The following NRF1 variants were observed in gnomAD, a reference collection of about 807,000 sequenced individuals.
The protein encoded by NRF1 is alpha palindromic-binding protein.
In NRF1, 5 loss-of-function variants were observed where a neutral mutation model predicts 58.5. The observed-to-expected ratio is 0.09, with a 90% CI of 0.04 to 0.18. The LOEUF (loss-of-function observed/expected upper bound fraction) is 0.18. Ranked by LOEUF, NRF1 falls within the 10% of genes least tolerant of loss-of-function variation. The pLI is 1.00. For missense variants in NRF1, 288 were observed against 657.7 expected, an observed-to-expected ratio of 0.44 and a Z score of 6.15; for synonymous variants, 224 against 246.7, an observed-to-expected ratio of 0.91 and a Z score of 0.86.
chr7:129,711,498 C>G lies in NRF1; in HGVS notation c.987C>G (p.Ala329=). The change falls in exon 8 of 11, where the codon GCC becomes GCG. Residue 329 remains alanine (A), a synonymous_variant. Transcript: ENST00000393232. ...AGGTTGGTACGGGGGCAACAGTAGCCACATTGGCTGATGCTTCAGAATTGC... is the reference window on the plus strand; with the variant it reads ...AGGTTGGTACGGGGGCAACAGTAGCGACATTGGCTGATGCTTCAGAATTGC... ...LIQVGTGATV[A]TLADASELPT... 6.2e-7 allele frequency: 1 copy of G among 1,612,330 alleles called. No individual in the cohort carries two copies. The highest frequency in any genetic ancestry group is 8.5e-7 in the Non-Finnish European group (1 of 1,179,286).
intron 6 of NRF1, 31 bp from the exon 7 acceptor site, chr7:129,710,343 T>G: frequency 6.2e-7 from 1 of 1,609,098 alleles, no homozygotes. Flanking sequence ...TCTTTGTGGC[T>G]TAATGTGCTT....
chr7:129,652,725 G>A (rs1191325075), intron 1 of NRF1, among the ~76,000 whole-genome samples: 1 of 152,086 alleles, frequency 6.6e-6, no homozygotes, highest in African/African-American at 2.4e-5. Flanking sequence ...CGAGTAGCTG[G>A]GACTGCAGGC....
At chr7:129,652,598 TA>T (rs1191589345) in intron 1 of NRF1, among the ~76,000 whole-genome samples, 1 of 152,074 alleles carries the variant, frequency 6.6e-6, no homozygotes, top group East Asian at 1.9e-4. Flanking sequence ...AATTTATTTT[TA>T]TTTATTTATT....
chr7:129,661,274 A>G (rs1801774542), intron 2 of NRF1, among the ~76,000 whole-genome samples: 1 of 151,172 alleles, frequency 6.6e-6, no homozygotes. Context: ...CCCTGGAGAC[A>G]TTTTTTCCAT....
chr7:129,657,639 T>A, intron 2 of NRF1, 65 bp downstream of exon 2: 1 of 1,056,226 alleles, frequency 9.5e-7, no homozygotes, highest in Non-Finnish European at 1.4e-6. Flanking sequence ...AGACAGCGTC[T>A]CACTCTGTTG....
At chr7:129,681,714 T>C (rs1802314330) in intron 4 of NRF1, among the ~76,000 whole-genome samples, 1 of 152,182 alleles carries the variant, frequency 6.6e-6, no homozygotes, top group African/African-American at 2.4e-5. Context: ...GCTGGAACTA[T>C]AGGCAGGTGC....
chr7:129,652,734 G>A (rs1230860721), intron 1 of NRF1, among the ~76,000 whole-genome samples: 1 of 152,108 alleles, frequency 6.6e-6, no homozygotes, highest in Non-Finnish European at 1.5e-5. Flanking sequence ...GGGACTGCAG[G>A]CGCCCGCCAC....
intron 5 of NRF1, among the ~76,000 whole-genome samples, chr7:129,707,133 A>G (rs1030790629): frequency 6.6e-5 from 10 of 152,126 alleles, no homozygotes; most frequent in Admixed American, 2.0e-4. Context: ...AGCTGGGACT[A>G]CAGGCACGTG....
intron 3 of NRF1, among the ~76,000 whole-genome samples, chr7:129,673,495 C>T (rs1485996783): frequency 4.6e-5 from 7 of 151,840 alleles, no homozygotes; most frequent in Admixed American, 4.6e-4. Context: ...TTTGGGAGGC[C>T]GAGGCGGGCG....
chr7:129,628,622 C>T (rs886195780), intron 1 of NRF1, among the ~76,000 whole-genome samples: 8 of 152,168 alleles, frequency 5.3e-5, no homozygotes, highest in Non-Finnish European at 7.3e-5. Flanking sequence ...CTTTTGCACT[C>T]AGTCTGCTGT....
chr7:129,641,735 A>G (rs1004633357), intron 1 of NRF1: 1 of 152,208 alleles, frequency 6.6e-6, no homozygotes, highest in Non-Finnish European at 1.5e-5. Context: ...GCTGGAGTGC[A>G]GTGGTGTGAT....
chr7:129,612,008 G>A (rs1800542532), intron 1 of NRF1, among the ~76,000 whole-genome samples, 184 bp downstream of exon 1: 1 of 149,108 alleles, frequency 6.7e-6, no homozygotes, highest in Non-Finnish European at 1.5e-5. Context: ...CAGCCAAACC[G>A]CCACCCCGAG....
At chr7:129,754,088 C>CG (rs762425088) in intron 10 of NRF1, among the ~76,000 whole-genome samples, 2 of 152,116 alleles carry the variant, frequency 1.3e-5, no homozygotes, top group Non-Finnish European at 2.9e-5. Flanking sequence ...GGCCCTCTCA[C>CG]GGCAAGCTGG....
At chr7:129,665,012 G>A (rs1277167970) in intron 2 of NRF1, among the ~76,000 whole-genome samples, 1 of 152,200 alleles carries the variant, frequency 6.6e-6, no homozygotes, top group Non-Finnish European at 1.5e-5. Context: ...ATAAAATAAT[G>A]CGGGAAGGTA....
chr7:129,648,053 A>T (rs898892733), intron 1 of NRF1, among the ~76,000 whole-genome samples: 2 of 152,202 alleles, frequency 1.3e-5, no homozygotes, highest in African/African-American at 2.4e-5. Flanking sequence ...AAAGTAATAC[A>T]TTCATATAAT....
At chr7:129,751,805 G>A (rs915461601) in intron 10 of NRF1, among the ~76,000 whole-genome samples, 1 of 152,266 alleles carries the variant, frequency 6.6e-6, no homozygotes, top group South Asian at 2.1e-4. Context: ...ACACACAGGT[G>A]TCTTGGCTTT....
chr7:129,745,100 C>T (rs1803941801), intron 10 of NRF1, among the ~76,000 whole-genome samples: 1 of 152,210 alleles, frequency 6.6e-6, no homozygotes, highest in South Asian at 2.1e-4. Context: ...TTCATTTCTG[C>T]ACCTGACTGT....
intron 1 of NRF1, among the ~76,000 whole-genome samples, chr7:129,620,394 T>C (rs183431380): frequency 0.018 from 2,743 of 151,548 alleles, 40 homozygotes; most frequent in Middle Eastern, 0.044. Context: ...ATCACTTTTT[T>C]TTTTTTTTTT....
At chr7:129,738,661 G>T (rs1803778205) in intron 10 of NRF1, among the ~76,000 whole-genome samples, 1 of 151,818 alleles carries the variant, frequency 6.6e-6, no homozygotes, top group Non-Finnish European at 1.5e-5. Context: ...TTTTACTACT[G>T]CTACAACCAC....
Sources: gnomAD v4.1 joint callset for allele counts (sites outside exome capture counted in the v4.1 genomes callset) on GRCh38, gnomAD v4.1.1 for gene constraint, MANE v1.5 for transcripts, NCBI Gene and HGNC (gene_info 2026-07-23, HGNC 2026-07-21) for gene names.